The following FSTL4 variants were observed in gnomAD, a reference collection of about 807,000 sequenced individuals.
FSTL4 encodes follistatin like 4.
FSTL4 carries 28 observed loss-of-function variants against 78.2 expected under a neutral mutation model. The ratio of observed to expected loss-of-function variants is 0.36; its 90% CI spans 0.27 to 0.49. FSTL4 has a LOEUF of 0.49. FSTL4 is among the 20% of genes least tolerant of loss of function. FSTL4 has a pLI of 0.98. For missense variants in FSTL4, 922 were observed against 1,084.9 expected (o/e 0.85, Z 2.11); for synonymous variants, 422 against 440.5 (o/e 0.96, Z 0.53).
At chr5:133,564,210 A>G (rs746725761) in intron 3 of FSTL4, among the ~76,000 whole-genome samples, 21 of 152,054 alleles carry the variant, frequency 1.4e-4, no homozygotes, top group Admixed American at 3.3e-4. Context: ...ATCCATTATG[A>G]CTTCATCTTT....
intron 8 of FSTL4, 46 bp downstream of exon 8, chr5:133,233,371 T>G: frequency 6.2e-7 from 1 of 1,610,280 alleles, no homozygotes; most frequent in Non-Finnish European, 8.5e-7. Flanking sequence ...GAGCAGCAGT[T>G]TGGGGAGGCT....
chr5:133,280,164 T>C (rs1170323097), intron 6 of FSTL4, among the ~76,000 whole-genome samples: 1 of 152,214 alleles, frequency 6.6e-6, no homozygotes, highest in Non-Finnish European at 1.5e-5. Flanking sequence ...AGGTCCTTAT[T>C]GCACTCAGGG....
Position 133,204,098 on chromosome 5 carries a change from C to T in FSTL4, c.1717-2056G>A, listed in dbSNP as rs573489921. ...GGGTGGGGACAGCAAGGCTGGGCAT[C>T]TCCCTCAGAGGGGTGTATGAAGCCA... On this transcript the variant is annotated intron_variant, in intron 14 of 15. Transcript: ENST00000265342. Among the ~76,000 whole-genome samples the T allele has an allele frequency of 1.8e-4, 28 of 152,294 alleles. 1 individual carries two copies. The highest frequency in any genetic ancestry group is 6.7e-4 in the African/African-American group (28 of 41,568).
intron 6 of FSTL4, among the ~76,000 whole-genome samples, chr5:133,297,570 G>C (rs935763182): frequency 5.9e-5 from 9 of 152,164 alleles, no homozygotes; most frequent in Admixed American, 2.6e-4. Context: ...CACTAAATGA[G>C]ATAATGTTAA....
the FSTL4 span, among the ~76,000 whole-genome samples, chr5:133,821,163 A>G: frequency 6.6e-6 from 1 of 152,250 alleles, no homozygotes; most frequent in East Asian, 1.9e-4. Context: ...GATTAAAGGA[A>G]GAAGACCCTT....
At chr5:133,660,086 C>T in the FSTL4 span, among the ~76,000 whole-genome samples, 23 of 152,216 alleles carry the variant, frequency 1.5e-4, no homozygotes, top group Non-Finnish European at 3.1e-4. Context: ...CACTAGGCTT[C>T]ATTGGTTTCT....
chr5:133,744,057 T>G, the FSTL4 span, among the ~76,000 whole-genome samples: 1 of 152,236 alleles, frequency 6.6e-6, no homozygotes, highest in Non-Finnish European at 1.5e-5. Context: ...CATCATTCAG[T>G]TCCTGGATCA....
intron 2 of FSTL4, among the ~76,000 whole-genome samples, chr5:133,583,102 C>T (rs896426148): frequency 1.3e-5 from 2 of 152,212 alleles, no homozygotes; most frequent in African/African-American, 2.4e-5. Flanking sequence ...TTGCCTCTGG[C>T]CTCATCTCAG....
chr5:133,369,787 G>A (rs144002324), intron 4 of FSTL4, among the ~76,000 whole-genome samples: 1 of 152,198 alleles, frequency 6.6e-6, no homozygotes, highest in South Asian at 2.1e-4. Context: ...GATTTACTGG[G>A]TGGGTTCTGT....
upstream of FSTL4, among the ~76,000 whole-genome samples, chr5:133,617,101 C>T (rs1316149713): frequency 6.6e-6 from 1 of 152,052 alleles, no homozygotes; most frequent in Non-Finnish European, 1.5e-5. Context: ...GGGGTCGAGA[C>T]CATCCCGGCC....
intron 6 of FSTL4, among the ~76,000 whole-genome samples, chr5:133,262,906 T>C (rs1302468742): frequency 1.3e-5 from 2 of 148,160 alleles, no homozygotes; most frequent in Admixed American, 1.3e-4. Flanking sequence ...GGGCTGAGGG[T>C]GTTGGGACAA....
chr5:133,501,710 T>C (rs1173986526), intron 3 of FSTL4, among the ~76,000 whole-genome samples: 1 of 152,228 alleles, frequency 6.6e-6, no homozygotes. Flanking sequence ...TTCATGTGAT[T>C]ATGTTCTATT....
In FSTL4 at chr5:133,197,685, G is replaced by A. The variant is rs1750184580; in HGVS notation, c.*1410C>T. 1 of 152,224 alleles carries A rather than the reference G, an allele frequency of 6.6e-6. No individual in the cohort carries two copies. Among genetic ancestry groups the A allele is most frequent in the Non-Finnish European group, 1.5e-5 (1 of 68,060 alleles). The allele number at this position is 152,224 out of a possible 1,614,324, so 9.4% of individuals were successfully genotyped here. ...GGCCAAATTAGCAAAGACGTCTGTG[G>A]TGAGACCACCTCTCCCAACCCGTGT... is the stretch of plus-strand genomic sequence containing the variant. On this transcript the variant is annotated 3_prime_UTR_variant, in exon 16 of 16. Coordinates refer to ENST00000265342, the MANE Select transcript of FSTL4 (RefSeq NM_015082.2).
At chr5:133,788,497 C>A in the FSTL4 span, among the ~76,000 whole-genome samples, 10 of 152,356 alleles carry the variant, frequency 6.6e-5, no homozygotes, top group African/African-American at 2.2e-4. Context: ...CAAGCCCCAA[C>A]TGGCCACGGC....
chr5:133,251,356 G>A (rs1432568027), intron 6 of FSTL4, among the ~76,000 whole-genome samples: 1 of 152,202 alleles, frequency 6.6e-6, no homozygotes, highest in Non-Finnish European at 1.5e-5. Flanking sequence ...TTGTGCCGCT[G>A]CTCCTGCCAC....
chr5:133,208,506 A>AACTT (rs1379597543), intron 14 of FSTL4, among the ~76,000 whole-genome samples: 1 of 152,112 alleles, frequency 6.6e-6, no homozygotes, highest in Non-Finnish European at 1.5e-5. Context: ...TTTTATTGGA[A>AACTT]ACTTATTTAA....
At chr5:133,722,087 C>A in the FSTL4 span, among the ~76,000 whole-genome samples, 1 of 152,002 alleles carries the variant, frequency 6.6e-6, no homozygotes, top group Non-Finnish European at 1.5e-5. Flanking sequence ...ATCCCCAACC[C>A]CTGGGCCACA....
At chr5:133,636,320 G>A in the FSTL4 span, among the ~76,000 whole-genome samples, 1 of 152,182 alleles carries the variant, frequency 6.6e-6, no homozygotes, top group African/African-American at 2.4e-5. Flanking sequence ...GAGTGGGATA[G>A]AAAGGAAGGG....
At chr5:133,535,280 CA>C (rs1759330266) in intron 3 of FSTL4, among the ~76,000 whole-genome samples, 1 of 152,150 alleles carries the variant, frequency 6.6e-6, no homozygotes, top group African/African-American at 2.4e-5. Context: ...AAACTGGCCC[CA>C]AAACTGGCCA....
Sources: gnomAD v4.1 joint callset for allele counts (sites outside exome capture counted in the v4.1 genomes callset) on GRCh38, gnomAD v4.1.1 for gene constraint, MANE v1.5 for transcripts, NCBI Gene and HGNC (gene_info 2026-07-23, HGNC 2026-07-21) for gene names.